AMZ1: variants seen among roughly 807,000 people sequenced by gnomAD.
AMZ1 encodes archaemetzincin-1.
Under a neutral mutation model 29.9 loss-of-function variants are expected in AMZ1, and 39 were observed. That is an observed-to-expected ratio of 1.30 (90% CI 1.01 to 1.70). The LOEUF (loss-of-function observed/expected upper bound fraction) is 1.70. Ranked by LOEUF, AMZ1 falls within the 40% of genes most tolerant of loss-of-function variation. The probability of loss-of-function intolerance (pLI) is 0.00; values close to 1 mark genes in which losing one functional copy is unlikely to be tolerated. For synonymous variants in AMZ1, 458 were observed against 304.0 expected (o/e 1.51, Z -5.27); for missense variants, 1,041 against 680.6 (o/e 1.53, Z -5.89).
At chr7:2,737,263 AGTTTT>A (rs569069278) in intron 4 of AMZ1, among the ~76,000 whole-genome samples, 2 of 79,572 alleles carry the variant, frequency 2.5e-5, no homozygotes, top group Admixed American at 1.4e-4. Flanking sequence ...GCTATCTCAC[AGTTTT>A]GTTTTGTTTT....
In AMZ1 at chr7:2,717,571, T is replaced by C. The variant is rs1265216756; in HGVS notation, c.*4693T>C. ...AGAGGTGCCCAGTTTCAAGGAAACC[T>C]AAAGCAGCAGCAAATTTATGGCTCT... On this transcript the variant is annotated 3_prime_UTR_variant, in exon 7 of 7. Transcript: ENST00000683327. Among the ~76,000 whole-genome samples, 1 of 152,164 alleles carries C rather than the reference T, an allele frequency of 6.6e-6. No homozygotes were observed. Among genetic ancestry groups the C allele is most frequent in the African/African-American group, 2.4e-5 (1 of 41,424 alleles).
chr7:2,743,206 G>A lies in AMZ1; in HGVS notation n.551-21506G>A, dbSNP rs76189285. Among the ~76,000 whole-genome samples, 137 of 152,304 alleles carry A rather than the reference G, an allele frequency of 9.0e-4. 3 individuals carry two copies. The East Asian group carries it at 0.023, about 25-fold the overall frequency. On this transcript the variant is annotated intron_variant and non_coding_transcript_variant, in intron 4 of 4. Transcript: ENST00000489665. ...TATATATGGGGGCAAACTGAAAGGG[G>A]TCTCTGCTGTGATCTAAGCAACCAC...
upstream of AMZ1, among the ~76,000 whole-genome samples, chr7:2,685,828 G>T (rs930808239): frequency 3.5e-5 from 5 of 142,068 alleles, no homozygotes; most frequent in Non-Finnish European, 6.0e-5. Context: ...ACTCCAGCCT[G>T]AGTGACAGAG....
Position 2,719,006 on chromosome 7 carries a change from G to A in AMZ1, c.*6128G>A, listed in dbSNP as rs557226138. Among the ~76,000 whole-genome samples, 7 of 129,346 alleles carry A rather than the reference G, an allele frequency of 5.4e-5. No individual in the cohort carries two copies. The highest frequency in any genetic ancestry group is 1.5e-4 in the African/African-American group (5 of 32,330). 84.9% of individuals were successfully genotyped at this position (129,346 alleles called of 152,430 possible). A position where few individuals can be genotyped will look rare whatever the true frequency, so the allele number is the denominator to read the frequency against. On this transcript the variant is annotated 3_prime_UTR_variant, in exon 7 of 7. Transcript: ENST00000683327. ...AGGGAGGGAAGCTGCAAGAACAGGC[G>A]ACTTTTTTTTTTTTTTTTCCCCCCC...
At chr7:2,758,686 G>C (rs1791415481) in intron 4 of AMZ1, among the ~76,000 whole-genome samples, 1 of 152,230 alleles carries the variant, frequency 6.6e-6, no homozygotes, top group South Asian at 2.1e-4. Context: ...TGCTAGAGAG[G>C]TTGGTGCCTG....
rs1024334090 is a variant in AMZ1, at chr7:2,745,719, A to G, written n.551-18993A>G. Among the ~76,000 whole-genome samples the G allele has an allele frequency of 2.0e-5, 3 of 152,234 alleles. No homozygotes were observed. The South Asian group carries it at 6.2e-4, about 31-fold the overall frequency. ...TAAATGCTCCAATTAAAAGACACAG[A>G]CTGGCAAATTGGATAAAGAGTCAAG... On this transcript the variant is annotated intron_variant and non_coding_transcript_variant, in intron 4 of 4. Coordinates refer to the AMZ1 transcript ENST00000489665.
In AMZ1 at chr7:2,700,298, A is replaced by AGCT; in HGVS notation, c.-153_-152insCTG. ...CAGGACCAGGCAGAGCTGGGCCTTA[A>AGCT]GGGCCCTTGGACCAGTGTCTGTCTG... On this transcript the variant is annotated 5_prime_UTR_variant, in exon 2 of 7. Coordinates refer to ENST00000683327, the MANE Select transcript of AMZ1 (RefSeq NM_001384743.1). 2 of 846,794 alleles carry AGCT rather than the reference A, an allele frequency of 2.4e-6. No individual in the cohort carries two copies. Among genetic ancestry groups the AGCT allele is most frequent in the East Asian group, 5.3e-5 (2 of 37,492 alleles). 52.5% of individuals were successfully genotyped at this position (846,794 alleles called of 1,614,324 possible).
At chr7:2,688,924 AG>A (rs1326440835) in intron 1 of AMZ1, among the ~76,000 whole-genome samples, 1 of 152,248 alleles carries the variant, frequency 6.6e-6, no homozygotes, top group Non-Finnish European at 1.5e-5. Flanking sequence ...AGGGGAGGGC[AG>A]GGACCTGGGT....
At chr7:2,744,613 T>C (rs1790678116) in intron 4 of AMZ1, among the ~76,000 whole-genome samples, 1 of 151,956 alleles carries the variant, frequency 6.6e-6, no homozygotes, top group Non-Finnish European at 1.5e-5. Flanking sequence ...TCAGAGCACC[T>C]CTCCTCCTCC....
chr7:2,738,326 A>C (rs1790315566), intron 4 of AMZ1, among the ~76,000 whole-genome samples: 1 of 152,186 alleles, frequency 6.6e-6, no homozygotes, highest in Non-Finnish European at 1.5e-5. Context: ...TGGCAGAAAT[A>C]CAAAGTGACG....
At chr7:2,728,304 CT>C (rs2075785617) in intron 4 of AMZ1, 1 of 152,166 alleles carries the variant, frequency 6.6e-6, no homozygotes, top group African/African-American at 2.4e-5. Context: ...CCCAGAACCC[CT>C]AAATTAGTTA....
At chr7:2,754,811 C>T (rs1172539491) in intron 4 of AMZ1, among the ~76,000 whole-genome samples, 7 of 152,128 alleles carry the variant, frequency 4.6e-5, no homozygotes, top group African/African-American at 1.4e-4. Flanking sequence ...GACCGTTTCT[C>T]AAAATTTGAT....
intron 4 of AMZ1, chr7:2,733,356 T>TCCAG: frequency 1.0e-6 from 1 of 980,128 alleles, no homozygotes; most frequent in South Asian, 1.4e-5. Flanking sequence ...GGCCTGTCAG[T>TCCAG]CCAGCCAAAG....
upstream of AMZ1, among the ~76,000 whole-genome samples, chr7:2,685,434 T>A (rs917831333): frequency 1.3e-5 from 2 of 151,636 alleles, no homozygotes; most frequent in Non-Finnish European, 2.9e-5. Context: ...GACGGGCACC[T>A]GTAATCGCAG....
At chr7:2,709,415 G>C (rs931889265) in intron 5 of AMZ1, among the ~76,000 whole-genome samples, 171 bp downstream of exon 5, 1 of 151,706 alleles carries the variant, frequency 6.6e-6, no homozygotes, top group African/African-American at 2.4e-5. Context: ...GGAGGGATTA[G>C]AGCCCCAAGC....
chr7:2,763,248 A>C, upstream of AMZ1: 1 of 373,366 alleles, frequency 2.7e-6, no homozygotes, highest in Non-Finnish European at 3.8e-6. Context: ...AACACAGTTC[A>C]GAAAACACAT....
At position 2,714,784 on chromosome 7, in the gene AMZ1, G is replaced by A. The variant is rs865850367; in HGVS notation, c.*1906G>A. On this transcript the variant is annotated 3_prime_UTR_variant, in exon 7 of 7. Coordinates refer to ENST00000683327, the MANE Select transcript of AMZ1 (RefSeq NM_001384743.1). ...CAGGCCTTGGTTCCTGCCCACGTGA[G>A]ACTCTCCATGGAGGAGGGGCATCTT... 6.6e-6 allele frequency: 1 copy of A among 152,266 alleles called. No individual in the cohort carries two copies. The highest frequency in any genetic ancestry group is 2.4e-5 in the African/African-American group (1 of 41,438). The allele number at this position is 152,266 out of a possible 1,614,324, so 9.4% of individuals were successfully genotyped here. A position where few individuals can be genotyped will look rare whatever the true frequency, so the allele number is the denominator to read the frequency against.
chr7:2,737,745 T>A (rs994700883), intron 4 of AMZ1, among the ~76,000 whole-genome samples: 1 of 152,230 alleles, frequency 6.6e-6, no homozygotes, highest in Non-Finnish European at 1.5e-5. Context: ...AGACAAATTT[T>A]AAAACTGCTG....
chr7:2,702,768 C>T lies in AMZ1; in HGVS notation c.351C>T (p.Cys117=). 4 of 1,543,170 alleles carry T rather than the reference C, an allele frequency of 2.6e-6. No homozygotes were observed. In the South Asian group the frequency reaches 3.6e-5, roughly 14 times the overall value. ...GAAGCTCCCTGCTGCACCAGCTGTGCAGCTGCACAGAGGCCTTCTTCCTGG... is the reference window on the plus strand; with the variant it reads ...GAAGCTCCCTGCTGCACCAGCTGTGTAGCTGCACAGAGGCCTTCTTCCTGG... ...PVGSSLLHQL[C]SCTEAFFLGL... Residue 117 remains cysteine (C), a synonymous_variant, in exon 3 of 7, where the codon TGC becomes TGT. Transcript: ENST00000683327.
Sources: allele counts gnomAD v4.1 joint callset (sites outside exome capture counted in the v4.1 genomes callset), GRCh38; gene constraint gnomAD v4.1.1; transcripts MANE v1.5; gene names NCBI Gene and HGNC (gene_info 2026-07-23, HGNC 2026-07-21).